Variants in GSE1 observed in about 807,000 individuals in gnomAD.
The protein encoded by GSE1 is Gse1 coiled-coil protein.
Under a neutral mutation model 112.6 loss-of-function variants are expected in GSE1, and 32 were observed. The ratio of observed to expected loss-of-function variants is 0.28; its 90% CI spans 0.21 to 0.38. GSE1 has a LOEUF of 0.38. GSE1 is among the 10% of genes least tolerant of loss of function. The probability of loss-of-function intolerance (pLI) is 1.00; values close to 1 mark genes in which losing one functional copy is unlikely to be tolerated. For synonymous variants in GSE1, 1,115 were observed against 735.6 expected (o/e 1.52, Z -8.35); for missense variants, 2,348 against 1,699.2 (o/e 1.38, Z -6.71).
chr16:85,598,009 G>C (rs905264923), intron 1 of GSE1, among the ~76,000 whole-genome samples: 3 of 151,998 alleles, frequency 2.0e-5, no homozygotes, highest in Admixed American at 1.3e-4. Context: ...AGTGGAAAAT[G>C]GAACATAAAA....
At chr16:85,503,166 G>C (rs2051427556) in intron 2 of GSE1, among the ~76,000 whole-genome samples, 1 of 152,254 alleles carries the variant, frequency 6.6e-6, no homozygotes, top group Non-Finnish European at 1.5e-5. Flanking sequence ...CAGGAGGCCA[G>C]AGTGGGTGGG....
chr16:85,238,317 T>C (rs1389384684), intron 1 of GSE1, among the ~76,000 whole-genome samples: 1 of 152,192 alleles, frequency 6.6e-6, no homozygotes, highest in Non-Finnish European at 1.5e-5. Context: ...TGCCTGTTTG[T>C]TTTTCTTCCA....
chr16:85,495,300 A>G (rs1373012031), intron 2 of GSE1, among the ~76,000 whole-genome samples: 1 of 152,000 alleles, frequency 6.6e-6, no homozygotes, highest in Non-Finnish European at 1.5e-5. Context: ...AGGAGGGAGC[A>G]CTGGAGTGGG....
rs140394350 is a variant in GSE1, at chr16:85,495,903, G to A, written c.2465-138011G>A. On this transcript the variant is annotated intron_variant, in intron 2 of 2. Transcript: ENST00000637419. The stretch of plus-strand genomic sequence containing the variant: ...AGTTTGAGGCCTGCCAGAGCAGCTT[G>A]TCCTGATAGAAAGGATGCCAGAGCC... 5.0e-3 allele frequency among the ~76,000 whole-genome samples: 765 copies of A among 152,316 alleles called. 2 individuals are homozygous for A. The highest frequency in any genetic ancestry group is 0.01 in the Middle Eastern group (3 of 294).
intron 1 of GSE1, among the ~76,000 whole-genome samples, chr16:85,173,403 T>G (rs187971538): frequency 4.7e-4 from 71 of 152,308 alleles, no homozygotes; most frequent in Non-Finnish European, 9.3e-4. Context: ...ACTTGCTTTG[T>G]AGGGACATGG....
At chr16:85,392,368 A>G (rs1208382110) in intron 2 of GSE1, among the ~76,000 whole-genome samples, 5 of 152,230 alleles carry the variant, frequency 3.3e-5, no homozygotes, top group Non-Finnish European at 4.4e-5. Flanking sequence ...TGTCTCATGC[A>G]ATATTTGGGC....
chr16:85,568,333 C>T (rs1055148068), intron 1 of GSE1, among the ~76,000 whole-genome samples: 15 of 152,194 alleles, frequency 9.9e-5, no homozygotes, highest in South Asian at 8.3e-4. Flanking sequence ...ACAGTCATGG[C>T]GGCCCCCAAT....
intron 2 of GSE1, among the ~76,000 whole-genome samples, chr16:85,496,724 T>C (rs571974119): frequency 1.5e-4 from 23 of 151,994 alleles, no homozygotes; most frequent in Non-Finnish European, 2.9e-4. Flanking sequence ...GTGTGAGTGA[T>C]GGTCGGGGGT....
upstream of GSE1, among the ~76,000 whole-genome samples, chr16:85,552,715 C>T (rs1007976453): frequency 5.9e-5 from 9 of 152,222 alleles, no homozygotes; most frequent in Admixed American, 4.6e-4. Context: ...GCCCCTTTCC[C>T]AATCTCCACA....
At chr16:85,626,727 GCCGGGGAAGAGC>G (rs1409456696) in intron 1 of GSE1, among the ~76,000 whole-genome samples, 1 of 152,208 alleles carries the variant, frequency 6.6e-6, no homozygotes, top group East Asian at 1.9e-4. Context: ...GAGGTCTGGT[GCCGGGGAAGAGC>G]CGGGATGAAA....
rs771372000 is a variant in GSE1 at position 85,654,882 on chromosome 16, G to A, written c.688G>A (p.Asp230Asn). 7 of 1,611,548 alleles carry A rather than the reference G, an allele frequency of 4.3e-6. No homozygotes were observed. Among genetic ancestry groups the A allele is most frequent in the South Asian group, 1.1e-5 (1 of 91,022 alleles). Residue 230 changes from aspartate to asparagine, a missense_variant, in exon 5 of 16, where the codon GAC becomes AAC. Physicochemically the swap from Asp to Asn is conservative, Grantham distance 23. Coordinates refer to ENST00000253458, the MANE Select transcript of GSE1 (RefSeq NM_014615.5). ...RSFRPYHTTD[D>N]LRMSSLPPLG... ...CTTCCGGCCCTACCACACCACCGACGACCTCCGCATGTCCTCACTGCCTCC... is the reference window on the plus strand; with the variant it reads ...CTTCCGGCCCTACCACACCACCGACAACCTCCGCATGTCCTCACTGCCTCC...
intron 2 of GSE1, among the ~76,000 whole-genome samples, chr16:85,505,112 C>T (rs1396372581): frequency 6.6e-6 from 1 of 152,170 alleles, no homozygotes; most frequent in African/African-American, 2.4e-5. Flanking sequence ...CTGGTTTGTT[C>T]AATGTTGGGC....
intron 1 of GSE1, among the ~76,000 whole-genome samples, chr16:85,190,154 A>G (rs1231603992): frequency 6.6e-6 from 1 of 152,238 alleles, no homozygotes; most frequent in East Asian, 1.9e-4. Flanking sequence ...AGTGGAGGCT[A>G]AAGCAATTTC....
intron 2 of GSE1, among the ~76,000 whole-genome samples, chr16:85,526,213 C>CT (rs2052359838): frequency 6.6e-6 from 1 of 152,256 alleles, no homozygotes; most frequent in Non-Finnish European, 1.5e-5. Flanking sequence ...TACTGTGTGC[C>CT]AGGCCCAGCT....
intron 1 of GSE1, among the ~76,000 whole-genome samples, chr16:85,614,161 C>T (rs773376422): frequency 6.6e-6 from 1 of 151,908 alleles, no homozygotes; most frequent in African/African-American, 2.4e-5. Context: ...CGCCCCCCAC[C>T]CGCACTGGCC....
intron 2 of GSE1, among the ~76,000 whole-genome samples, chr16:85,399,092 G>C (rs967598655): frequency 2.0e-5 from 3 of 152,178 alleles, no homozygotes; most frequent in African/African-American, 7.2e-5. Flanking sequence ...TGTGTATGTG[G>C]TGTGTACATG....
chr16:85,238,446 C>T (rs1169990153), intron 1 of GSE1, among the ~76,000 whole-genome samples: 1 of 152,216 alleles, frequency 6.6e-6, no homozygotes, highest in Admixed American at 6.5e-5. Context: ...GTTTCGTCAG[C>T]CCTTGGCTCC....
At chr16:85,292,255 C>G (rs1273856930) in intron 1 of GSE1, among the ~76,000 whole-genome samples, 2 of 151,714 alleles carry the variant, frequency 1.3e-5, no homozygotes, top group East Asian at 3.9e-4. Context: ...TCTCATACCT[C>G]AGCCTCTCTA....
chr16:85,661,674 C>T lies in GSE1; in HGVS notation c.2169C>T (p.Ala723=). ...RPPVPRAPDP[A]YIYDEFLQQR... is the part of the protein sequence containing the mutation. ...CAGTGCCACGGGCCCCCGACCCTGC[C>T]TACATCTATGATGAGTTCCTGCAGC... Residue 723 remains alanine, a synonymous_variant, in exon 9 of 16, where the codon GCC becomes GCT. Coordinates refer to ENST00000253458, the MANE Select transcript of GSE1 (RefSeq NM_014615.5). 1 of 1,610,756 alleles carries T rather than the reference C, an allele frequency of 6.2e-7. No homozygotes were observed. The highest frequency in any genetic ancestry group is 1.1e-5 in the South Asian group (1 of 90,826).
Sources: allele counts gnomAD v4.1 joint callset (sites outside exome capture counted in the v4.1 genomes callset), GRCh38; gene constraint gnomAD v4.1.1; transcripts MANE v1.5; gene names NCBI Gene and HGNC (gene_info 2026-07-23, HGNC 2026-07-21).